The following ZFPM2 variants were observed in gnomAD, a reference collection of about 807,000 sequenced individuals.
ZFPM2 encodes the protein zinc finger protein, FOG family member 2.
In ZFPM2, 20 loss-of-function variants were observed where a neutral mutation model predicts 98.6. That is an observed-to-expected ratio of 0.20 (90% CI 0.14 to 0.29). The LOEUF (loss-of-function observed/expected upper bound fraction) is 0.29. ZFPM2 is among the 10% of genes least tolerant of loss of function. The pLI is 1.00. For synonymous variants in ZFPM2, 518 were observed against 502.7 expected, an observed-to-expected ratio of 1.03 and a Z score of -0.41; for missense variants, 1,310 against 1,388.6, an observed-to-expected ratio of 0.94 and a Z score of 0.90.
chr8:105,591,778 C>A (rs887487608), intron 4 of ZFPM2, among the ~76,000 whole-genome samples: 6 of 152,102 alleles, frequency 3.9e-5, no homozygotes, highest in African/African-American at 9.7e-5. Flanking sequence ...AGTCCTCCAA[C>A]ACCTGTATCA....
chr8:105,739,950 C>A (rs1006788507), intron 5 of ZFPM2, among the ~76,000 whole-genome samples: 8 of 151,970 alleles, frequency 5.3e-5, no homozygotes, highest in African/African-American at 1.9e-4. Context: ...TTAAAACCCC[C>A]CTTTTCTTTA....
intron 5 of ZFPM2, among the ~76,000 whole-genome samples, chr8:105,761,978 A>C (rs1284136322): frequency 5.9e-5 from 9 of 152,086 alleles, no homozygotes; most frequent in Non-Finnish European, 1.3e-4. Context: ...AAAGTTGCAG[A>C]TTCTTTTTGT....
chr8:105,655,321 T>C (rs572754482), intron 5 of ZFPM2, among the ~76,000 whole-genome samples: 2 of 144,620 alleles, frequency 1.4e-5, no homozygotes, highest in African/African-American at 5.1e-5. Flanking sequence ...AACCTCTGCC[T>C]CCTGGGTTCA....
At chr8:105,555,465 A>G (rs1394174533) in intron 3 of ZFPM2, among the ~76,000 whole-genome samples, 16 of 152,076 alleles carry the variant, frequency 1.1e-4, no homozygotes, top group African/African-American at 3.4e-4. Flanking sequence ...TTTGTCTCCA[A>G]AAATCAACTT....
intron 1 of ZFPM2, among the ~76,000 whole-genome samples, chr8:105,404,940 T>G (rs2130000692): frequency 6.6e-6 from 1 of 152,188 alleles, no homozygotes; most frequent in African/African-American, 2.4e-5. Flanking sequence ...GTGCCACAGT[T>G]AACCCTCCAA....
chr8:105,408,111 G>A (rs1453978605), intron 1 of ZFPM2, among the ~76,000 whole-genome samples: 1 of 151,882 alleles, frequency 6.6e-6, no homozygotes, highest in Non-Finnish European at 1.5e-5. Context: ...ATAGCCCTTA[G>A]ATGCTTCCTA....
intron 3 of ZFPM2, among the ~76,000 whole-genome samples, chr8:105,493,979 A>G (rs773580594): frequency 4.0e-5 from 6 of 151,572 alleles, no homozygotes; most frequent in Non-Finnish European, 8.8e-5. Flanking sequence ...TCTTGAAACT[A>G]TCTTCATATT....
chr8:105,803,770 ATGT>A lies in ZFPM2; in HGVS notation c.*234_*236del. 2.8e-6 allele frequency: 1 copy of A among 359,822 alleles called. No homozygotes were observed. The highest frequency in any genetic ancestry group is 2.5e-5 in the African/African-American group (1 of 39,938). The allele number at this position is 359,822 out of a possible 1,614,324, so 22.3% of individuals were successfully genotyped here. On this transcript the variant is annotated 3_prime_UTR_variant, in exon 8 of 8. Transcript: ENST00000407775. The stretch of plus-strand genomic sequence containing the variant: ...ACCAGCAGTATTCATAGCTGTGGTT[ATGT>A]TATTTTTTATTTAAAAACTTTATAT...
chr8:105,659,435 G>A (rs1563509193), intron 5 of ZFPM2, among the ~76,000 whole-genome samples: 2 of 152,170 alleles, frequency 1.3e-5, no homozygotes, highest in African/African-American at 4.8e-5. Flanking sequence ...ATGAGGGAGT[G>A]TGCTGGTTTT....
At chr8:105,352,550 G>A (rs796359605) in intron 1 of ZFPM2, among the ~76,000 whole-genome samples, 2 of 149,974 alleles carry the variant, frequency 1.3e-5, no homozygotes, top group South Asian at 2.1e-4. Context: ...AGTTCTTTTG[G>A]CACGACTAAA....
chr8:105,483,809 C>G (rs1430518460), intron 3 of ZFPM2, among the ~76,000 whole-genome samples: 3 of 150,694 alleles, frequency 2.0e-5, no homozygotes, highest in Non-Finnish European at 4.4e-5. Flanking sequence ...TCTTGGCTCA[C>G]TGCAACCTCT....
intron 2 of ZFPM2, among the ~76,000 whole-genome samples, chr8:105,431,829 A>G (rs1469724444): frequency 6.6e-6 from 1 of 151,332 alleles, no homozygotes; most frequent in Non-Finnish European, 1.5e-5. Flanking sequence ...CTAAGGTAGA[A>G]GAGTTGCTTG....
intron 1 of ZFPM2, among the ~76,000 whole-genome samples, chr8:105,328,568 A>AGTAG (rs1812157173): frequency 6.6e-6 from 1 of 151,888 alleles, no homozygotes; most frequent in Admixed American, 6.6e-5. Context: ...ATGCCATTAA[A>AGTAG]GTAGGAAGCC....
intron 1 of ZFPM2, among the ~76,000 whole-genome samples, chr8:105,374,166 G>A (rs550659487): frequency 1.5e-4 from 23 of 152,094 alleles, no homozygotes; most frequent in Non-Finnish European, 2.9e-4. Context: ...AGAGCCTAGA[G>A]GAAATTAAAC....
Position 105,340,636 on chromosome 8 carries a change from ATAAAT to A in ZFPM2, c.40+21657_40+21661del, listed in dbSNP as rs549558818. Among the ~76,000 whole-genome samples the A allele has an allele frequency of 9.9e-5, 15 of 152,036 alleles. No individual in the cohort carries two copies. In the South Asian group the frequency reaches 3.1e-3, roughly 32 times the overall value. On this transcript the variant is annotated intron_variant, in intron 1 of 7. Transcript: ENST00000407775. Reference sequence around the variant, plus strand: ...TGTTAATGATGGAGACTTCTAATTAATAAATTTATTTTGTATAGTTTTATTTATAT... The same window carrying A: ...TGTTAATGATGGAGACTTCTAATTAATTATTTTGTATAGTTTTATTTATAT...
In ZFPM2 at chr8:105,802,712, GC is replaced by G; in HGVS notation, c.2633del (p.Pro878ArgfsTer36). The part of the protein sequence containing the change: ...ENYLAHKQNF[C>X]PVTAHQRNDL... ...TATCTGGCCCACAAGCAGAATTTCT[GC>G]CCGGTTACTGCACATCAGCGTAATG... is the stretch of plus-strand genomic sequence containing the variant. On this transcript the variant is annotated frameshift_variant, in exon 8 of 8. Coordinates refer to ENST00000407775, the MANE Select transcript of ZFPM2 (RefSeq NM_012082.4). LOFTEE classifies it high-confidence loss of function. 6.2e-7 allele frequency: 1 copy of G among 1,612,680 alleles called. No individual in the cohort carries two copies. The highest frequency in any genetic ancestry group is 8.5e-7 in the Non-Finnish European group (1 of 1,179,402).
intron 5 of ZFPM2, among the ~76,000 whole-genome samples, chr8:105,693,885 ATTAT>A (rs1475344528): frequency 2.6e-5 from 4 of 151,250 alleles, no homozygotes; most frequent in Admixed American, 6.6e-5. Flanking sequence ...CAAACATTTT[ATTAT>A]TTGTGTTGAG....
At chr8:105,515,611 G>A (rs1285658870) in intron 3 of ZFPM2, among the ~76,000 whole-genome samples, 1 of 152,146 alleles carries the variant, frequency 6.6e-6, no homozygotes, top group Non-Finnish European at 1.5e-5. Flanking sequence ...ATCCTAGTAT[G>A]AATAAAATAC....
chr8:105,436,150 T>C (rs966926799), intron 2 of ZFPM2, among the ~76,000 whole-genome samples: 5 of 152,214 alleles, frequency 3.3e-5, no homozygotes, highest in Non-Finnish European at 5.9e-5. Context: ...TTGATTTTTC[T>C]AAGTGCCAAG....
Sources: gnomAD v4.1 joint callset for allele counts (sites outside exome capture counted in the v4.1 genomes callset) on GRCh38, gnomAD v4.1.1 for gene constraint, MANE v1.5 for transcripts, NCBI Gene and HGNC (gene_info 2026-07-23, HGNC 2026-07-21) for gene names.